Variants in PTHLH observed in about 807,000 individuals in gnomAD.
PTHLH encodes the protein parathyroid hormone-related protein.
In PTHLH, 5 loss-of-function variants were observed where a neutral mutation model predicts 18.6. The observed-to-expected ratio is 0.27, with a 90% CI of 0.14 to 0.56. The LOEUF (loss-of-function observed/expected upper bound fraction) is 0.56. PTHLH is among the 20% of genes least tolerant of loss of function. PTHLH has a pLI of 0.92. For missense variants in PTHLH, 207 were observed against 223.9 expected (o/e 0.92, Z 0.48); for synonymous variants, 90 against 94.0 (o/e 0.96, Z 0.25).
In PTHLH at chr12:27,969,472, T is replaced by C; in HGVS notation, c.23A>G (p.Gln8Arg). ...CAGCAGGAACACCGCGACGCTCCAC[T>C]GCTGAACCAGTCTCCGCTGCATCGT... MQRRLVQ[Q>R]WSVAVFLLSY... Residue 8 changes from glutamine (Q) to arginine (R), a missense_variant, in exon 4 of 6, where the codon CAG becomes CGG. Physicochemically the swap from Gln to Arg is conservative, Grantham distance 43. Transcript: ENST00000545234. 1 of 1,589,320 alleles carries C rather than the reference T, an allele frequency of 6.3e-7. No homozygotes were observed.
intron 5 of PTHLH, chr12:27,961,621 T>A (rs917619467): frequency 2.7e-5 from 7 of 259,426 alleles, no homozygotes; most frequent in African/African-American, 1.5e-4. Context: ...ACACTAAATA[T>A]GTGCAGTAAG....
In PTHLH at chr12:27,971,965, C is replaced by A. The variant is rs551599639; in HGVS notation, c.-304G>T. On this transcript the variant is annotated 5_prime_UTR_variant, in exon 2 of 6. Coordinates refer to ENST00000545234, the MANE Select transcript of PTHLH (RefSeq NM_198965.2). Reference sequence around the variant, plus strand: ...ACACTTTCTGATTTATAAAAAGAATCCTTCCAAAAAGATGCAGGAGCCCTA... The same window carrying A: ...ACACTTTCTGATTTATAAAAAGAATACTTCCAAAAAGATGCAGGAGCCCTA... The A allele has an allele frequency of 6.9e-6, 1 of 145,516 alleles. No individual in the cohort carries two copies. The highest frequency in any genetic ancestry group is 2.2e-4 in the South Asian group (1 of 4,632). The allele number at this position is 145,516 out of a possible 1,614,324, so 9.0% of individuals were successfully genotyped here.
At chr12:27,963,002 A>T in intron 5 of PTHLH, 3 of 1,199,212 alleles carry the variant, frequency 2.5e-6, no homozygotes, top group Non-Finnish European at 3.1e-6. Context: ...GAGTAAGGGG[A>T]AGAAACACAC....
rs2062783885 is a variant in PTHLH, at chr12:27,963,778, A to T, written c.102-8T>A. 2 of 1,613,634 alleles carry T rather than the reference A, an allele frequency of 1.2e-6. No individual in the cohort carries two copies. Among genetic ancestry groups the T allele is most frequent in the Non-Finnish European group, 8.5e-7 (1 of 1,179,782 alleles). On this transcript the variant is annotated splice_polypyrimidine_tract_variant and splice_region_variant and intron_variant, in intron 4 of 5. Coordinates refer to ENST00000545234, the MANE Select transcript of PTHLH (RefSeq NM_198965.2). ...TCAGACACAGCTCTTTTGCTTTGAA[A>T]GAAAATATTAGAGGGGAAGAAAACA...
chr12:27,971,557 C>T (rs911153032), intron 2 of PTHLH, among the ~76,000 whole-genome samples: 2 of 152,016 alleles, frequency 1.3e-5, no homozygotes, highest in Non-Finnish European at 2.9e-5. Flanking sequence ...GGGTGATGCT[C>T]CACATATTTT....
intron 4 of PTHLH, among the ~76,000 whole-genome samples, chr12:27,964,282 A>T (rs868327939): frequency 1.2e-3 from 186 of 148,976 alleles, no homozygotes; most frequent in Middle Eastern, 3.4e-3. Flanking sequence ...TCTCTCTCTC[A>T]CACACACACA....
intron 5 of PTHLH, chr12:27,961,965 T>C (rs749036590): frequency 4.8e-5 from 19 of 399,646 alleles, no homozygotes; most frequent in African/African-American, 3.4e-4. Context: ...GTTGTTTTCC[T>C]TTTTTTTTTT....
At chr12:27,962,526 T>A in intron 5 of PTHLH, 3 of 984,720 alleles carry the variant, frequency 3.0e-6, no homozygotes, top group Non-Finnish European at 3.6e-6. Flanking sequence ...AGTTATTTGA[T>A]CCCAAAGTCT....
Position 27,963,410 on chromosome 12 carries a change from C to T in PTHLH, c.462G>A (p.Gly154=). 1 of 1,614,194 alleles carries T rather than the reference C, an allele frequency of 6.2e-7. No homozygotes were observed. The highest frequency in any genetic ancestry group is 8.5e-7 in the Non-Finnish European group (1 of 1,180,040). Residue 154 remains glycine (G), a synonymous_variant, in exon 5 of 6, where the codon GGG becomes GGA. Coordinates refer to ENST00000545234, the MANE Select transcript of PTHLH (RefSeq NM_198965.2). ...ACAGGTGGTCCCCTTCTAGCCCACTCCCAGTCACTCCAGAGTCTAACCAGG... is the reference window on the plus strand; with the variant it reads ...ACAGGTGGTCCCCTTCTAGCCCACTTCCAGTCACTCCAGAGTCTAACCAGG... ...RSAWLDSGVT[G]SGLEGDHLSD...
Position 27,963,717 on chromosome 12 carries a change from T to C in PTHLH, c.155A>G (p.Gln52Arg). The C allele has an allele frequency of 6.2e-7, 1 of 1,613,630 alleles. No homozygotes were observed. The highest frequency in any genetic ancestry group is 8.5e-7 in the Non-Finnish European group (1 of 1,179,904). The change falls in exon 5 of 6, where the codon CAA becomes CGA. Residue 52 changes from glutamine (Q) to arginine (R), a missense_variant. Physicochemically the swap from Gln to Arg is conservative, Grantham distance 43. Transcript: ENST00000545234. ...AAGGAAGAATCGTCGCCGTAAATCT[T>C]GGATGGACTTCCCCTTGTCATGGAG... ...QLLHDKGKSI[Q>R]DLRRRFFLHH...
Position 27,961,303 on chromosome 12 carries a change from ATATATATATATATATATACG to A in PTHLH, c.524+2025_524+2044del, listed in dbSNP as rs1171171555. On this transcript the variant is annotated intron_variant, in intron 5 of 5. Transcript: ENST00000545234. ...TATATATACGTATATATATATACGT[ATATATATATATATATATACG>A]TATATATATACTTTTTGCCTCATAG... Among the ~76,000 whole-genome samples, 7 of 19,884 alleles carry A rather than the reference ATATATATATATATATATACG, an allele frequency of 3.5e-4. 1 individual carries two copies. Among genetic ancestry groups the A allele is most frequent in the Admixed American group, 2.7e-3 (7 of 2,618 alleles). The allele number at this position is 19,884 out of a possible 152,430, so 13.0% of individuals were successfully genotyped here.
intron 4 of PTHLH, chr12:27,969,190 C>T (rs1313099741): frequency 1.7e-6 from 1 of 595,490 alleles, no homozygotes; most frequent in East Asian, 2.8e-5. Flanking sequence ...TCTCTCTTGC[C>T]TGTCTCCCGT....
intron 2 of PTHLH, among the ~76,000 whole-genome samples, chr12:27,970,815 C>T (rs998201556): frequency 6.6e-6 from 1 of 152,148 alleles, no homozygotes; most frequent in Non-Finnish European, 1.5e-5. Flanking sequence ...TTAAGGAGCC[C>T]GAAGCTCGCC....
intron 3 of PTHLH, 31 bp from the exon 4 acceptor site, chr12:27,969,547 C>A: frequency 6.6e-7 from 1 of 1,505,516 alleles, no homozygotes; most frequent in South Asian, 1.2e-5. Flanking sequence ...ACCCGAGTGT[C>A]AGTCTGGACT....
rs1184558116 is a variant in PTHLH at position 27,969,110 on chromosome 12, A to T, written c.101+284T>A. On this transcript the variant is annotated intron_variant, in intron 4 of 5. Coordinates refer to ENST00000545234, the MANE Select transcript of PTHLH (RefSeq NM_198965.2). ...CCCCCAACTTTTTTTCTTTTCCACTAGAGGCAGAGGATCTTTCCCTAGAAG... is the reference window on the plus strand; with the variant it reads ...CCCCCAACTTTTTTTCTTTTCCACTTGAGGCAGAGGATCTTTCCCTAGAAG... The T allele has an allele frequency of 9.2e-6, 4 of 432,464 alleles. No homozygotes were observed. In the Admixed American group the frequency reaches 1.5e-4, roughly 16 times the overall value. The allele number at this position is 432,464 out of a possible 1,614,324, so 26.8% of individuals were successfully genotyped here.
intron 5 of PTHLH, chr12:27,962,405 T>G: frequency 1.7e-5 from 6 of 361,298 alleles, no homozygotes; most frequent in Non-Finnish European, 2.3e-5. Flanking sequence ...CCAAACTCTA[T>G]GAGGTTGGTA....
At chr12:27,971,749 G>A (rs1025468093) in intron 2 of PTHLH, among the ~76,000 whole-genome samples, 178 bp downstream of exon 2, 2 of 151,746 alleles carry the variant, frequency 1.3e-5, no homozygotes, top group African/African-American at 2.4e-5. Context: ...TAAAAGACTC[G>A]GCTTCTTCTC....
At position 27,958,796 on chromosome 12, in the gene PTHLH, G is replaced by A. The variant is rs527296067; in HGVS notation, c.525-228C>T. ...TCAACCTGACTTAGCCCATATGTGC[G>A]GAAAGGAAAAGGGCCTGCGTTTCCA... is the stretch of plus-strand genomic sequence containing the variant. On this transcript the variant is annotated intron_variant, in intron 5 of 5. Coordinates refer to ENST00000545234, the MANE Select transcript of PTHLH (RefSeq NM_198965.2). 1.2e-4 allele frequency among the ~76,000 whole-genome samples: 18 copies of A among 152,264 alleles called. No individual in the cohort carries two copies. The East Asian group carries it at 2.1e-3, about 18-fold the overall frequency.
At chr12:27,959,445 G>T (rs919243892) in intron 5 of PTHLH, among the ~76,000 whole-genome samples, 1 of 152,132 alleles carries the variant, frequency 6.6e-6, no homozygotes, top group Non-Finnish European at 1.5e-5. Flanking sequence ...TCTAAATACT[G>T]TAATGACAGT....
Sources: gnomAD v4.1 joint callset for allele counts (sites outside exome capture counted in the v4.1 genomes callset) on GRCh38, gnomAD v4.1.1 for gene constraint, MANE v1.5 for transcripts, NCBI Gene and HGNC (gene_info 2026-07-23, HGNC 2026-07-21) for gene names.